KRT14: variants seen among roughly 807,000 people sequenced by gnomAD.
The protein encoded by KRT14 is keratin 14.
Under a neutral mutation model 44.5 loss-of-function variants are expected in KRT14, and 30 were observed. The ratio of observed to expected loss-of-function variants is 0.67; its 90% CI spans 0.50 to 0.92. The LOEUF is 0.92. KRT14 is among the 40% of genes least tolerant of loss of function. KRT14 has a pLI of 0.00. For synonymous variants in KRT14, 241 were observed against 257.6 expected, an observed-to-expected ratio of 0.94 and a Z score of 0.62; for missense variants, 535 against 640.6, an observed-to-expected ratio of 0.84 and a Z score of 1.78.
chr17:41,583,332 G>T lies in KRT14; in HGVS notation c.1177C>A (p.Gln393Lys). The T allele has an allele frequency of 1.2e-6, 2 of 1,613,780 alleles. No homozygotes were observed. The highest frequency in any genetic ancestry group is 1.7e-6 in the Non-Finnish European group (2 of 1,180,008). ...QLAQLRCEMEQQNQEYKILLD... is the reference protein window; with the variant it reads ...QLAQLRCEMEKQNQEYKILLD... ...AGGATCTTGTACTCCTGGTTCTGCT[G>T]CTCCATCTCGCAGCGGAGCTGGGCC... Residue 393 changes from glutamine (Q) to lysine (K), a missense_variant, in exon 6 of 8, where the codon CAG becomes AAG. Gln to Lys is a moderately conservative substitution (Grantham distance 53). Coordinates refer to ENST00000167586, the MANE Select transcript of KRT14 (RefSeq NM_000526.5).
chr17:41,583,216 G>A lies in KRT14; in HGVS notation c.1274+19C>T, dbSNP rs1235774071. On this transcript the variant is annotated intron_variant, in intron 6 of 7. Transcript: ENST00000167586. ...GAGTGCCATGGGGGGGGCGGACTAA[G>A]GGGAGGGCCAAGACTCACTGGGCGT... The A allele has an allele frequency of 6.2e-7, 1 of 1,613,220 alleles. No individual in the cohort carries two copies. The highest frequency in any genetic ancestry group is 8.5e-7 in the Non-Finnish European group (1 of 1,179,870).
In KRT14 at chr17:41,586,785, G is replaced by A. The variant is rs1457403673; in HGVS notation, c.50C>T (p.Ser17Phe). The A allele has an allele frequency of 1.1e-5, 18 of 1,590,820 alleles. No homozygotes were observed. The highest frequency in any genetic ancestry group is 1.5e-5 in the Non-Finnish European group (18 of 1,170,638). Residue 17 changes from serine (S) to phenylalanine (F), a missense_variant, in exon 1 of 8, where the codon TCC becomes TTC. Physicochemically the swap from Ser to Phe is radical, Grantham distance 155. Transcript: ENST00000167586. ...CCCGATGCCGCCCCCGATGCCGCAG[G>A]AGCCCTTCATGGAGCTGGAGGAGGT... is the stretch of plus-strand genomic sequence containing the variant. ...QFTSSSSMKG[S>F]CGIGGGIGGG...
chr17:41,586,888 G>A lies in KRT14; in HGVS notation c.-54C>T, dbSNP rs997512421. ...GCAGTTGGCTGAGTGAAGAGAAGGTGCTCGGGTAAATTGGAAAGGGATGCG... is the reference window on the plus strand; with the variant it reads ...GCAGTTGGCTGAGTGAAGAGAAGGTACTCGGGTAAATTGGAAAGGGATGCG... On this transcript the variant is annotated 5_prime_UTR_variant, in exon 1 of 8. Coordinates refer to ENST00000167586, the MANE Select transcript of KRT14 (RefSeq NM_000526.5). 3.3e-6 allele frequency: 5 copies of A among 1,537,836 alleles called. No individual in the cohort carries two copies. In the African/African-American group the frequency reaches 5.5e-5, roughly 17 times the overall value.
intron 3 of KRT14, 106 bp downstream of exon 3, chr17:41,584,151 T>C (rs1427687888): frequency 1.8e-6 from 2 of 1,133,606 alleles, no homozygotes; most frequent in Non-Finnish European, 2.6e-6. Context: ...TGTGTTCAAG[T>C]GATCCTCCTG....
At position 41,586,411 on chromosome 17, in the gene KRT14, C is replaced by T. The variant is rs146142399; in HGVS notation, c.424G>A (p.Asp142Asn). The change falls in exon 1 of 8, where the codon GAC becomes AAC. Residue 142 changes from aspartate (D) to asparagine (N), a missense_variant. Coordinates refer to ENST00000167586, the MANE Select transcript of KRT14 (RefSeq NM_000526.5). ...CAGTCACGGATCTTCACTTCCAGGT[C>T]GGCGTTGGCCTCCTCCAGAGCACGC... ...KVRALEEANA[D>N]LEVKIRDWYQ... 458 of 1,613,900 alleles carry T rather than the reference C, an allele frequency of 2.8e-4. No homozygotes were observed. Among genetic ancestry groups the T allele is most frequent in the Non-Finnish European group, 3.7e-4 (436 of 1,179,962 alleles).
intron 1 of KRT14, 83 bp downstream of exon 1, chr17:41,586,227 C>T: frequency 1.3e-6 from 2 of 1,567,574 alleles, no homozygotes; most frequent in South Asian, 1.1e-5. Context: ...ATAGAGAAAT[C>T]TTAAGGTCTC....
chr17:41,584,290 C>G lies in KRT14; in HGVS notation c.732G>C (p.Glu244Asp), dbSNP rs748715702. ...DLEMQIESLKEELAYLKKNHE... is the reference protein window; with the variant it reads ...DLEMQIESLKDELAYLKKNHE... ...GGTTCTTCTTCAGGTAGGCCAGCTC[C>G]TCCTTCAGGCTCTCAATCTGCATCT... is the stretch of plus-strand genomic sequence containing the variant. Residue 244 changes from glutamate (E) to aspartate (D), a missense_variant, in exon 3 of 8, where the codon GAG becomes GAC. By Grantham distance (45) the Glu-to-Asp change is conservative (BLOSUM62 2). Transcript: ENST00000167586. The G allele has an allele frequency of 6.2e-7, 1 of 1,613,932 alleles. No individual in the cohort carries two copies. The highest frequency in any genetic ancestry group is 1.1e-5 in the South Asian group (1 of 91,068).
In KRT14 at chr17:41,586,369, G is replaced by T. The variant is rs1907523967; in HGVS notation, c.466C>A (p.Pro156Thr). The T allele has an allele frequency of 6.2e-7, 1 of 1,613,204 alleles. No individual in the cohort carries two copies. ...GGACTGTAGTCTTTGATCTCAGCAG[G>T]CCGCTGCCTCTGGTACCAGTCACGG... ...KIRDWYQRQRPAEIKDYSPYF... is the reference protein window; with the variant it reads ...KIRDWYQRQRTAEIKDYSPYF... Residue 156 changes from proline (P) to threonine (T), a missense_variant, in exon 1 of 8, where the codon CCT becomes ACT. Pro to Thr is a conservative substitution (Grantham distance 38). Coordinates refer to ENST00000167586, the MANE Select transcript of KRT14 (RefSeq NM_000526.5).
chr17:41,582,676 C>T (rs1907374874), intron 7 of KRT14, 144 bp from the exon 8 acceptor site: 2 of 703,456 alleles, frequency 2.8e-6, no homozygotes, highest in African/African-American at 1.7e-5. Context: ...CCTGCTGTTG[C>T]CCAAGCACTG....
rs1327472230 is a variant in KRT14 at position 41,586,761 on chromosome 17, C to T, written c.74G>A (p.Gly25Glu). The T allele has an allele frequency of 2.8e-5, 44 of 1,581,218 alleles. No homozygotes were observed. Among genetic ancestry groups the T allele is most frequent in the Middle Eastern group, 2.3e-4 (1 of 4,396 alleles). Residue 25 changes from glycine to glutamate, a missense_variant, in exon 1 of 8, where the codon GGG (glycine) becomes GAG (glutamate). Physicochemically the swap from Gly to Glu is moderately conservative, Grantham distance 98 (BLOSUM62 -2). Coordinates refer to ENST00000167586, the MANE Select transcript of KRT14 (RefSeq NM_000526.5). Reference sequence around the variant, plus strand: ...GGAGGAGATGCGGCTGGAGCCGCCCCCGATGCCGCCCCCGATGCCGCAGGA... The same window carrying T: ...GGAGGAGATGCGGCTGGAGCCGCCCTCGATGCCGCCCCCGATGCCGCAGGA... ...KGSCGIGGGI[G>E]GGSSRISSVL... is the part of the protein sequence containing the mutation.
chr17:41,586,682 A>G lies in KRT14; in HGVS notation c.153T>C (p.Ser51=). 1 of 1,597,480 alleles carries G rather than the reference A, an allele frequency of 6.3e-7. No individual in the cohort carries two copies. The highest frequency in any genetic ancestry group is 1.1e-5 in the South Asian group (1 of 89,758). ...RAPSTYGGGL[S]VSSSRFSSGG... The stretch of plus-strand genomic sequence containing the variant: ...CAGAGGAGAAGCGGGAGGATGAGAC[A>G]GACAGGCCGCCCCCGTAGGTGCTGG... The change falls in exon 1 of 8, where the codon TCT becomes TCC. Residue 51 remains serine, a synonymous_variant. Coordinates refer to ENST00000167586, the MANE Select transcript of KRT14 (RefSeq NM_000526.5).
At position 41,586,523 on chromosome 17, in the gene KRT14, A is replaced by G. The variant is rs371274993; in HGVS notation, c.312T>C (p.Phe104=). 3.7e-6 allele frequency: 6 copies of G among 1,613,814 alleles called. No individual in the cohort carries two copies. Among genetic ancestry groups the G allele is most frequent in the Non-Finnish European group, 5.1e-6 (6 of 1,179,884 alleles). Residue 104 remains phenylalanine (F), a synonymous_variant, in exon 1 of 8, where the codon TTT becomes TTC. Coordinates refer to ENST00000167586, the MANE Select transcript of KRT14 (RefSeq NM_000526.5). ...AGLGGGFGGG[F]AGGDGLLVGS... is the part of the protein sequence containing the mutation. ...CCACCAGAAGCCCATCACCACCAGC[A>G]AAGCCACCACCAAAGCCACCACCCA...
Position 41,583,609 on chromosome 17 carries a change from G to A in KRT14, c.995C>T (p.Ser332Leu), listed in dbSNP as rs777468217. 4.0e-5 allele frequency: 65 copies of A among 1,614,062 alleles called. No homozygotes were observed. Among genetic ancestry groups the A allele is most frequent in the African/African-American group, 8.0e-5 (6 of 74,920 alleles). The change falls in exon 5 of 8, where the codon TCG (serine) becomes TTG (leucine). Residue 332 changes from serine to leucine, a missense_variant. Physicochemically the swap from Ser to Leu is moderately radical, Grantham distance 145 (BLOSUM62 -2). Transcript: ENST00000167586. Reference protein sequence around the residue: ...ELVQSGKSEISELRRTMQNLE... With the variant: ...ELVQSGKSEILELRRTMQNLE... ...GTTCTGCATGGTGCGCCGGAGCTCC[G>A]AGATCTCGCTCTTGCCGCTCTGCAC...
intron 3 of KRT14, 114 bp from the exon 4 acceptor site, chr17:41,584,035 C>A: frequency 1.5e-6 from 1 of 661,358 alleles, no homozygotes; most frequent in Non-Finnish European, 2.4e-6. Context: ...ACTCTCCCTT[C>A]TCTCTCTCTC....
chr17:41,583,385 T>G lies in KRT14; in HGVS notation c.1124A>C (p.Glu375Ala). 1 of 1,613,806 alleles carries G rather than the reference T, an allele frequency of 6.2e-7. No homozygotes were observed. The highest frequency in any genetic ancestry group is 8.5e-7 in the Non-Finnish European group (1 of 1,180,022). Residue 375 changes from glutamate (E) to alanine (A), a missense_variant, in exon 6 of 8, where the codon GAG (glutamate) becomes GCG (alanine). By Grantham distance (107) the Glu-to-Ala change is moderately radical. Coordinates refer to ENST00000167586, the MANE Select transcript of KRT14 (RefSeq NM_000526.5). The stretch of plus-strand genomic sequence containing the variant: ...CTGCTCCTCCACGCTGCCAATCATC[T>G]CCTGGATCTGGGCCAGCTGCATGCA... ...RYCMQLAQIQ[E>A]MIGSVEEQLA...
In KRT14 at chr17:41,586,641, A is replaced by C; in HGVS notation, c.194T>G (p.Leu65Arg). 6.2e-7 allele frequency: 1 copy of C among 1,606,134 alleles called. No homozygotes were observed. ...SRFSSGGACGLGGGYGGGFSS... is the reference protein window; with the variant it reads ...SRFSSGGACGRGGGYGGGFSS... ...GAAGCCACCGCCATAGCCGCCCCCC[A>C]GCCCGCAGGCTCCCCCAGAGGAGAA... The change falls in exon 1 of 8, where the codon CTG becomes CGG. Residue 65 changes from leucine (L) to arginine (R), a missense_variant. Leu to Arg is a moderately radical substitution (Grantham distance 102). Transcript: ENST00000167586.
chr17:41,583,202 G>C (rs779312134), intron 6 of KRT14, 33 bp downstream of exon 6: 124 of 1,612,786 alleles, frequency 7.7e-5, no homozygotes, highest in African/African-American at 1.9e-4. Context: ...AGTGCCATGG[G>C]GGGGGCGGAC....
chr17:41,583,986 G>GC, intron 3 of KRT14, 65 bp from the exon 4 acceptor site: 1 of 1,554,790 alleles, frequency 6.4e-7, no homozygotes, highest in Non-Finnish European at 8.9e-7. Flanking sequence ...TGTTCCTTAG[G>GC]CCTGAATACT....
In KRT14 at chr17:41,582,446, T is replaced by G; in HGVS notation, c.1408A>C (p.Thr470Pro). The change falls in exon 8 of 8, where the codon ACC becomes CCC. Residue 470 changes from threonine to proline, a missense_variant. Coordinates refer to ENST00000167586, the MANE Select transcript of KRT14 (RefSeq NM_000526.5). ...GGGGCTGGGCAGCCTCAGTTCTTGGTGCGAAGGACCTGCTCGTGGGTGGAC... is the reference window on the plus strand; with the variant it reads ...GGGGCTGGGCAGCCTCAGTTCTTGGGGCGAAGGACCTGCTCGTGGGTGGAC... ...VVSTHEQVLR[T>P]KN 1 of 1,565,014 alleles carries G rather than the reference T, an allele frequency of 6.4e-7. No individual in the cohort carries two copies. The highest frequency in any genetic ancestry group is 8.7e-7 in the Non-Finnish European group (1 of 1,154,928).
Sources: allele counts gnomAD v4.1 joint callset, GRCh38; gene constraint gnomAD v4.1.1; transcripts MANE v1.5; gene names NCBI Gene and HGNC (gene_info 2026-07-23, HGNC 2026-07-21).